The following ARHGAP6 variants were observed in gnomAD, a reference collection of about 807,000 sequenced individuals.
ARHGAP6 encodes the protein Rho GTPase activating protein 6, also known as rho GTPase-activating protein 6.
Under a neutral mutation model 55.7 loss-of-function variants are expected in ARHGAP6, and 16 were observed. The ratio of observed to expected loss-of-function variants is 0.29; its 90% CI spans 0.19 to 0.44. The LOEUF is 0.44. ARHGAP6 is among the 20% of genes least tolerant of loss of function. The pLI, the probability that ARHGAP6 is intolerant of heterozygous loss-of-function variation, is 1.00. For missense variants in ARHGAP6, 698 were observed against 808.9 expected (o/e 0.86, Z 1.66); for synonymous variants, 382 against 360.9 (o/e 1.06, Z -0.66).
chrX:11,407,665 A>AT (rs2049626957), intron 1 of ARHGAP6, among the ~76,000 whole-genome samples: 1 of 111,064 alleles, frequency 9.0e-6, no homozygotes, highest in Admixed American at 9.6e-5. Context: ...TATTCTTTGT[A>AT]TTTTTTTCAT....
chrX:11,578,460 C>A (rs1348684285), intron 1 of ARHGAP6, among the ~76,000 whole-genome samples: 1 of 111,991 alleles, frequency 8.9e-6, no homozygotes, highest in East Asian at 2.8e-4. Flanking sequence ...CAGATAAATG[C>A]AAATCAAAAC....
rs767991549 is a variant in ARHGAP6, at chrX:11,142,302, C to T, written c.2188G>A (p.Glu730Lys). 4 of 1,192,790 alleles carry T rather than the reference C, an allele frequency of 3.4e-6. No homozygotes were observed. In the Admixed American group the frequency reaches 8.9e-5, roughly 26 times the overall value. The change falls in exon 12 of 13, where the codon GAG becomes AAG. Residue 730 changes from glutamate to lysine, a missense_variant. Physicochemically the swap from Glu to Lys is moderately conservative, Grantham distance 56. Around this residue, in one of 3 missense-constraint regions of ARHGAP6, gnomAD observed 322 missense variants for 451.1 expected, o/e 0.71. Transcript: ENST00000337414. The stretch of plus-strand genomic sequence containing the variant: ...CAAGTTCCCCAGATATCGAAAGGCT[C>T]CTCTGACAGATCTAGGGAAAAAGTG... Reference protein sequence around the residue: ...GPRLGKDLSEEPFDIWGTWHS... With the variant: ...GPRLGKDLSEKPFDIWGTWHS...
rs3030651 is a variant in ARHGAP6 at position 11,190,522 on chromosome X, TACAC to T, written c.821-1542_821-1539del. ...ATATATCTCTATATATACACATACATACACACACACACATACATATAATCTTGTC... is the reference window on the plus strand; with the variant it reads ...ATATATCTCTATATATACACATACATACACACACATACATATAATCTTGTC... On this transcript the variant is annotated intron_variant, in intron 3 of 12. Coordinates refer to ENST00000337414, the MANE Select transcript of ARHGAP6 (RefSeq NM_013427.3). Among the ~76,000 whole-genome samples, 22 of 104,332 alleles carry T rather than the reference TACAC, an allele frequency of 2.1e-4. No homozygotes were observed. The East Asian group carries it at 4.3e-3, about 21-fold the overall frequency. The allele number at this position is 104,332 out of a possible 115,157, so 90.6% of individuals were successfully genotyped here. A position where few individuals can be genotyped will look rare whatever the true frequency, so the allele number is the denominator to read the frequency against.
At chrX:11,598,563 C>A (rs953225656) in intron 1 of ARHGAP6, among the ~76,000 whole-genome samples, 9 of 111,256 alleles carry the variant, frequency 8.1e-5, no homozygotes, top group African/African-American at 2.9e-4. Context: ...CATATGTGCT[C>A]AATATTTAGC....
chrX:11,184,625 C>T (rs763419676), intron 5 of ARHGAP6, among the ~76,000 whole-genome samples: 13 of 112,237 alleles, frequency 1.2e-4, no homozygotes, highest in African/African-American at 3.6e-4. Flanking sequence ...TTTTCTATTT[C>T]GTACATAGAA....
At chrX:11,147,176 CACAT>C (rs2045706186) in intron 10 of ARHGAP6, among the ~76,000 whole-genome samples, 2 of 112,198 alleles carry the variant, frequency 1.8e-5, no homozygotes, top group African/African-American at 3.2e-5. Context: ...CAGACATAAA[CACAT>C]ACATATACAT....
chrX:11,616,147 T>C (rs2049360202), intron 1 of ARHGAP6, among the ~76,000 whole-genome samples: 1 of 110,056 alleles, frequency 9.1e-6, no homozygotes, highest in Admixed American at 9.7e-5. Context: ...CTGGCAAGAA[T>C]GGATTGTTAT....
intron 1 of ARHGAP6, among the ~76,000 whole-genome samples, chrX:11,585,713 T>C (rs1450659343): frequency 3.6e-5 from 4 of 112,194 alleles, no homozygotes; most frequent in Non-Finnish European, 7.5e-5. Flanking sequence ...TTTTCTCCCA[T>C]TGTATTAGTC....
At chrX:11,328,317 G>A (rs2147629660) in intron 1 of ARHGAP6, among the ~76,000 whole-genome samples, 1 of 111,998 alleles carries the variant, frequency 8.9e-6, no homozygotes, top group South Asian at 3.8e-4. Context: ...AGAGGGTAGG[G>A]AACATTAATG....
At chrX:11,520,275 T>C (rs2050904961) in intron 1 of ARHGAP6, among the ~76,000 whole-genome samples, 1 of 98,634 alleles carries the variant, frequency 1.0e-5, no homozygotes, top group African/African-American at 3.8e-5. Flanking sequence ...ACTTGTCATT[T>C]AACATTAGGT....
intron 1 of ARHGAP6, among the ~76,000 whole-genome samples, chrX:11,486,990 G>T (rs933843408): frequency 2.7e-5 from 3 of 110,873 alleles, no homozygotes; most frequent in African/African-American, 9.9e-5. Context: ...ACATATGGGG[G>T]TAATTGATCA....
intron 7 of ARHGAP6, among the ~76,000 whole-genome samples, chrX:11,178,499 G>T (rs1159860494): frequency 2.8e-5 from 3 of 108,639 alleles, no homozygotes; most frequent in Non-Finnish European, 5.7e-5. Flanking sequence ...AAAAAAAAAG[G>T]TAACTCAATT....
chrX:11,453,432 G>A (rs760856970), intron 1 of ARHGAP6, among the ~76,000 whole-genome samples: 1 of 107,593 alleles, frequency 9.3e-6, no homozygotes, highest in South Asian at 4.0e-4. Context: ...CTCCAACGGG[G>A]ACCCTTGCAA....
intron 12 of ARHGAP6, among the ~76,000 whole-genome samples, chrX:11,140,342 C>T (rs984851501): frequency 9.8e-5 from 10 of 102,143 alleles, no homozygotes; most frequent in African/African-American, 2.5e-4. Context: ...GGCATGAACC[C>T]GGGAGGCGGA....
At chrX:11,369,996 T>C (rs1251711071) in intron 1 of ARHGAP6, among the ~76,000 whole-genome samples, 1 of 112,694 alleles carries the variant, frequency 8.9e-6, no homozygotes. Flanking sequence ...TGCCAATTCA[T>C]AGATGCTTAA....
intron 1 of ARHGAP6, among the ~76,000 whole-genome samples, chrX:11,628,986 T>C (rs12010224): frequency 1.2e-4 from 4 of 33,682 alleles, no homozygotes; most frequent in African/African-American, 7.3e-4. Context: ...TTCAGATACG[T>C]GTGTGTGTGT....
At chrX:11,154,139 T>G (rs899922624) in intron 10 of ARHGAP6, among the ~76,000 whole-genome samples, 3 of 104,753 alleles carry the variant, frequency 2.9e-5, no homozygotes, top group South Asian at 4.1e-4. Context: ...ACAAAGGACA[T>G]GAACTCTTCA....
intron 1 of ARHGAP6, among the ~76,000 whole-genome samples, chrX:11,553,583 A>G (rs773510658): frequency 3.6e-5 from 4 of 111,754 alleles, no homozygotes; most frequent in Non-Finnish European, 5.6e-5. Context: ...TGAGATCCCC[A>G]AGAATACAGG....
chrX:11,571,124 TA>T (rs2051510496), intron 1 of ARHGAP6, among the ~76,000 whole-genome samples: 1 of 111,923 alleles, frequency 8.9e-6, no homozygotes, highest in Non-Finnish European at 1.9e-5. Context: ...CAGTGAGAAA[TA>T]AAATTCTGTT....
Sources: gnomAD v4.1 joint callset for allele counts (sites outside exome capture counted in the v4.1 genomes callset) on GRCh38, gnomAD v4.1.1 for gene constraint, gnomAD v4.1.1 regional missense constraint, MANE v1.5 for transcripts, NCBI Gene and HGNC (gene_info 2026-07-23, HGNC 2026-07-21) for gene names.